The following PHEX variants were observed in gnomAD, a reference collection of about 807,000 sequenced individuals.
PHEX encodes the protein phosphate regulating endopeptidase X-linked, also known as phosphate-regulating neutral endopeptidase PHEX.
In PHEX, 16 loss-of-function variants were observed where a neutral mutation model predicts 68.0. That is an observed-to-expected ratio of 0.24 (90% CI 0.16 to 0.36). PHEX has a LOEUF of 0.36. Ranked by LOEUF, PHEX falls within the 10% of genes least tolerant of loss-of-function variation. The pLI is 1.00. For missense variants in PHEX, 480 were observed against 575.5 expected, an observed-to-expected ratio of 0.83 and a Z score of 1.70; for synonymous variants, 208 against 205.1, an observed-to-expected ratio of 1.01 and a Z score of -0.12.
intron 15 of PHEX, among the ~76,000 whole-genome samples, chrX:22,208,730 T>C (rs1288746521): frequency 8.9e-6 from 1 of 112,214 alleles, no homozygotes; most frequent in Non-Finnish European, 1.9e-5. Flanking sequence ...TGATGCATTA[T>C]ACAATTTGAA....
chrX:22,227,396 CATG>C, intron 19 of PHEX, 108 bp from the exon 20 acceptor site: 1 of 553,019 alleles, frequency 1.8e-6, no homozygotes, highest in East Asian at 3.5e-5. Flanking sequence ...AAAATTTTGA[CATG>C]ATGCATTTTG....
At chrX:22,046,608 C>A (rs1249493966) in intron 2 of PHEX, among the ~76,000 whole-genome samples, 1 of 104,746 alleles carries the variant, frequency 9.5e-6, no homozygotes, top group Non-Finnish European at 2.0e-5. Flanking sequence ...ACTCTGTCAC[C>A]CCAGGCTGGA....
intron 8 of PHEX, chrX:22,097,985 T>C: frequency 7.3e-6 from 1 of 136,953 alleles, no homozygotes; most frequent in Non-Finnish European, 1.5e-5. Context: ...CTCAAACTCC[T>C]GACCTCAAAT....
chrX:22,131,532 C>T (rs779772895), intron 11 of PHEX, among the ~76,000 whole-genome samples: 1 of 112,980 alleles, frequency 8.9e-6, no homozygotes, highest in Non-Finnish European at 1.9e-5. Context: ...CTCCCCCGAC[C>T]CCCTTCCATC....
At chrX:22,098,874 T>G in intron 8 of PHEX, 132 bp from the exon 9 acceptor site, 1 of 551,141 alleles carries the variant, frequency 1.8e-6, no homozygotes, top group South Asian at 2.4e-5. Context: ...TTTCTAGACT[T>G]GAGTAGTTGC....
At chrX:22,224,982 C>CAG (rs1935417014) in intron 18 of PHEX, among the ~76,000 whole-genome samples, 2 of 110,530 alleles carry the variant, frequency 1.8e-5, no homozygotes, top group Admixed American at 1.9e-4. Flanking sequence ...TATTATCATA[C>CAG]AGCTCTGTAT....
rs140766554 is a variant in PHEX, at chrX:22,191,260, T to C, written c.1645+758T>C. Reference sequence around the variant, plus strand: ...CTAGGCTGGTCTCAAACTCCTGGCCTCAAGTGATCTGCCCACCTTGGCCTT... The same window carrying C: ...CTAGGCTGGTCTCAAACTCCTGGCCCCAAGTGATCTGCCCACCTTGGCCTT... On this transcript the variant is annotated intron_variant, in intron 15 of 21. Coordinates refer to ENST00000379374, the MANE Select transcript of PHEX (RefSeq NM_000444.6). Among the ~76,000 whole-genome samples the C allele has an allele frequency of 2.7e-3, 301 of 111,910 alleles. 11 individuals carry two copies. In the East Asian group the frequency reaches 0.07, roughly 26 times the overall value.
intron 16 of PHEX, among the ~76,000 whole-genome samples, chrX:22,217,122 T>C: frequency 9.0e-6 from 1 of 111,651 alleles, no homozygotes; most frequent in South Asian, 3.8e-4. Flanking sequence ...GTCAACAGCA[T>C]TGACTGAGGG....
At chrX:22,056,739 G>A (rs1169671651) in intron 3 of PHEX, among the ~76,000 whole-genome samples, 1 of 105,473 alleles carries the variant, frequency 9.5e-6, no homozygotes, top group Non-Finnish European at 1.9e-5. Context: ...TCCAGCCTGC[G>A]TGACAGAGCG....
intron 3 of PHEX, among the ~76,000 whole-genome samples, chrX:22,051,940 C>A (rs185332765): frequency 9.0e-6 from 1 of 111,305 alleles, no homozygotes; most frequent in East Asian, 2.8e-4. Context: ...TGCTAAAAAT[C>A]TTATTTCTTT....
chrX:22,233,725 G>C lies in PHEX; in HGVS notation c.2070+6114G>C, dbSNP rs186211902. On this transcript the variant is annotated intron_variant, in intron 20 of 21. Coordinates refer to ENST00000379374, the MANE Select transcript of PHEX (RefSeq NM_000444.6). Reference sequence around the variant, plus strand: ...AGCAATTCATCTAACCTGTTTTCAAGGTTCTTAGCTTCCTTGCATTGGGTT... The same window carrying C: ...AGCAATTCATCTAACCTGTTTTCAACGTTCTTAGCTTCCTTGCATTGGGTT... Among the ~76,000 whole-genome samples, 41 of 111,395 alleles carry C rather than the reference G, an allele frequency of 3.7e-4. No individual in the cohort carries two copies. In the East Asian group the frequency reaches 6.0e-3, roughly 16 times the overall value.
chrX:22,043,502 A>C (rs1202544245), intron 2 of PHEX, among the ~76,000 whole-genome samples: 2 of 110,665 alleles, frequency 1.8e-5, no homozygotes, highest in African/African-American at 6.7e-5. Context: ...AGGTTAAATC[A>C]CCTGCCTAAG....
chrX:22,194,433 G>A (rs1036664657), intron 15 of PHEX, among the ~76,000 whole-genome samples: 4 of 111,418 alleles, frequency 3.6e-5, no homozygotes, highest in African/African-American at 1.3e-4. Flanking sequence ...CCCTACAACT[G>A]CCTTCTTTTT....
chrX:22,195,392 G>A (rs1934331298), intron 15 of PHEX, among the ~76,000 whole-genome samples: 1 of 110,739 alleles, frequency 9.0e-6, no homozygotes, highest in Non-Finnish European at 1.9e-5. Flanking sequence ...TTGGGAGTTC[G>A]AGACCAGCCT....
In PHEX at chrX:22,126,094, G is replaced by A. The variant is rs900083557; in HGVS notation, c.1303-7429G>A. The stretch of plus-strand genomic sequence containing the variant: ...AGGTATGAATGTGAGATATGGACTC[G>A]TGAAAAATCATATCACATGAGATAT... On this transcript the variant is annotated intron_variant, in intron 11 of 21. Transcript: ENST00000379374. 1.1e-4 allele frequency among the ~76,000 whole-genome samples: 12 copies of A among 111,754 alleles called. No individual in the cohort carries two copies. The South Asian group carries it at 1.1e-3, about 10-fold the overall frequency.
At chrX:22,218,406 C>T (rs972985762) in intron 16 of PHEX, among the ~76,000 whole-genome samples, 2 of 111,295 alleles carry the variant, frequency 1.8e-5, no homozygotes, top group African/African-American at 6.5e-5. Context: ...TTGGTGTCCC[C>T]TTTTATAGAT....
At chrX:22,090,935 C>CTT (rs1193291875) in intron 6 of PHEX, among the ~76,000 whole-genome samples, 1 of 111,557 alleles carries the variant, frequency 9.0e-6, no homozygotes, top group Non-Finnish European at 1.9e-5. Context: ...GAGAGTCTGA[C>CTT]TTAGACTTGA....
chrX:22,228,181 A>G (rs966174392), intron 20 of PHEX, among the ~76,000 whole-genome samples: 1 of 112,402 alleles, frequency 8.9e-6, no homozygotes, highest in Non-Finnish European at 1.9e-5. Context: ...AATAAAGCAC[A>G]GTTCCGAGCC....
chrX:22,246,708 C>T (rs1242068034), intron 21 of PHEX, among the ~76,000 whole-genome samples: 3 of 112,127 alleles, frequency 2.7e-5, no homozygotes, highest in Non-Finnish European at 5.6e-5. Context: ...TTAACACTTG[C>T]CTAGGGTGAA....
Sources: allele counts gnomAD v4.1 joint callset (sites outside exome capture counted in the v4.1 genomes callset), GRCh38; gene constraint gnomAD v4.1.1; transcripts MANE v1.5; gene names NCBI Gene and HGNC (gene_info 2026-07-23, HGNC 2026-07-21).